Variants in APOD observed in about 807,000 individuals in gnomAD.
APOD encodes the protein apolipoprotein D.
APOD carries 22 observed loss-of-function variants against 20.4 expected under a neutral mutation model. That is an observed-to-expected ratio of 1.08 (90% CI 0.77 to 1.54). The LOEUF is 1.54. APOD is among the 40% of genes most tolerant of loss of function. The pLI is 0.00. For missense variants in APOD, 223 were observed against 229.6 expected, an observed-to-expected ratio of 0.97 and a Z score of 0.19; for synonymous variants, 97 against 92.4, an observed-to-expected ratio of 1.05 and a Z score of -0.29.
rs186640377 is a variant in APOD, at chr3:195,576,709, C to T, written c.123+2630G>A. On this transcript the variant is annotated intron_variant, in intron 2 of 4. Transcript: ENST00000343267. ...ACTGTAATACCAGCTACTCGGGAGG[C>T]TGAGGCAGGATAATCTCTTGAACCT... is the stretch of plus-strand genomic sequence containing the variant. 1.5e-4 allele frequency among the ~76,000 whole-genome samples: 23 copies of T among 151,950 alleles called. No homozygotes were observed. The East Asian group carries it at 4.5e-3, about 29-fold the overall frequency.
At chr3:195,569,160 T>C in intron 4 of APOD, 25 bp from the exon 5 acceptor site, 13 of 1,595,248 alleles carry the variant, frequency 8.1e-6, no homozygotes, top group Non-Finnish European at 1.1e-5. Flanking sequence ...GAGGCAGCAT[T>C]ATTGGAGGGA....
chr3:195,570,059 C>T (rs1460689622), intron 4 of APOD, among the ~76,000 whole-genome samples: 1 of 152,164 alleles, frequency 6.6e-6, no homozygotes, highest in Non-Finnish European at 1.5e-5. Flanking sequence ...TTCAGGCCTT[C>T]TTCTATGTTC....
chr3:195,582,358 C>A (rs569613637), intron 1 of APOD, among the ~76,000 whole-genome samples: 1 of 152,084 alleles, frequency 6.6e-6, no homozygotes, highest in South Asian at 2.1e-4. Flanking sequence ...GGATTATATA[C>A]GACATATATT....
chr3:195,571,177 A>G, intron 4 of APOD, 100 bp downstream of exon 4: 1 of 964,922 alleles, frequency 1.0e-6, no homozygotes, highest in Non-Finnish European at 1.7e-6. Context: ...GTGATTATAG[A>G]TGACACTCAG....
In APOD at chr3:195,568,719, G is replaced by A. The variant is rs987716059; in HGVS notation, c.*181C>T. The A allele has an allele frequency of 1.2e-5, 7 of 600,884 alleles. No homozygotes were observed. The highest frequency in any genetic ancestry group is 1.9e-5 in the African/African-American group (1 of 53,392). 37.2% of individuals were successfully genotyped at this position (600,884 alleles called of 1,614,324 possible). On this transcript the variant is annotated 3_prime_UTR_variant, in exon 5 of 5. Transcript: ENST00000343267. ...ATTAATCCAACTTGGAATCTACTGCGAGCACAGCAGGTCAGCAACAAGTTT... is the reference window on the plus strand; with the variant it reads ...ATTAATCCAACTTGGAATCTACTGCAAGCACAGCAGGTCAGCAACAAGTTT...
chr3:195,574,715 A>G (rs1720221821), intron 2 of APOD, among the ~76,000 whole-genome samples: 1 of 152,242 alleles, frequency 6.6e-6, no homozygotes. Context: ...GTGTAAAGTT[A>G]TTCATTACAG....
intron 2 of APOD, among the ~76,000 whole-genome samples, chr3:195,574,744 A>G (rs1157558805): frequency 1.3e-5 from 2 of 152,250 alleles, no homozygotes; most frequent in Non-Finnish European, 2.9e-5. Context: ...GTAATAATAC[A>G]AGATAGGAAA....
In APOD at chr3:195,579,657, C is replaced by A. The variant is rs550235377; in HGVS notation, c.-34-162G>T. Among the ~76,000 whole-genome samples the A allele has an allele frequency of 4.6e-5, 7 of 152,278 alleles. No homozygotes were observed. The South Asian group carries it at 1.5e-3, about 32-fold the overall frequency. On this transcript the variant is annotated intron_variant, in intron 1 of 4. Coordinates refer to ENST00000343267, the MANE Select transcript of APOD (RefSeq NM_001647.4). Reference sequence around the variant, plus strand: ...ATCCTGCAGGGGAACACCTGCCTGTCCTTGTTGCTGTGAGGCCTTCCTCAG... The same window carrying A: ...ATCCTGCAGGGGAACACCTGCCTGTACTTGTTGCTGTGAGGCCTTCCTCAG...
intron 1 of APOD, among the ~76,000 whole-genome samples, chr3:195,581,258 A>AC (rs1720334813): frequency 6.6e-6 from 1 of 152,136 alleles, no homozygotes; most frequent in Non-Finnish European, 1.5e-5. Context: ...CAAGTCTGCC[A>AC]CAGGGCCACT....
At chr3:195,574,924 A>C (rs1339787086) in intron 2 of APOD, among the ~76,000 whole-genome samples, 1 of 152,248 alleles carries the variant, frequency 6.6e-6, no homozygotes, top group Non-Finnish European at 1.5e-5. Context: ...TTGTGTAAAA[A>C]TGGAGAAAAT....
intron 3 of APOD, among the ~76,000 whole-genome samples, chr3:195,573,296 T>C (rs1168148039): frequency 6.6e-6 from 1 of 152,254 alleles, no homozygotes; most frequent in African/African-American, 2.4e-5. Flanking sequence ...TTCCAAAGCG[T>C]AGCTTTTTGG....
intron 2 of APOD, among the ~76,000 whole-genome samples, chr3:195,579,014 G>A (rs1429052132): frequency 6.6e-6 from 1 of 152,174 alleles, no homozygotes; most frequent in Admixed American, 6.5e-5. Flanking sequence ...GACAATCGGA[G>A]GGGCATGCTC....
intron 2 of APOD, among the ~76,000 whole-genome samples, chr3:195,574,810 C>T (rs1037406265): frequency 6.6e-6 from 1 of 152,158 alleles, no homozygotes; most frequent in Non-Finnish European, 1.5e-5. Flanking sequence ...CATATCCAGA[C>T]AATGGAATTT....
intron 3 of APOD, among the ~76,000 whole-genome samples, chr3:195,572,300 A>G (rs966657307): frequency 6.6e-6 from 1 of 152,346 alleles, no homozygotes; most frequent in Non-Finnish European, 1.5e-5. Flanking sequence ...ATGTAGGCCA[A>G]GTAAAAGGAG....
intron 2 of APOD, among the ~76,000 whole-genome samples, chr3:195,575,945 CAA>C (rs1197817306): frequency 6.6e-6 from 1 of 152,010 alleles, no homozygotes; most frequent in African/African-American, 2.4e-5. Flanking sequence ...AATTTAAAAA[CAA>C]AAAGAGATGC....
chr3:195,575,272 T>G (rs1720229692), intron 2 of APOD, among the ~76,000 whole-genome samples: 1 of 152,254 alleles, frequency 6.6e-6, no homozygotes, highest in Non-Finnish European at 1.5e-5. Context: ...GATTCTCTGC[T>G]TTTAAGGATT....
Position 195,568,831 on chromosome 3 carries a change from TGGGGGG to T in APOD, c.*63_*68del. On this transcript the variant is annotated 3_prime_UTR_variant, in exon 5 of 5. Transcript: ENST00000343267. Reference sequence around the variant, plus strand: ...GTCGTGGTTGATTGGTTTGTCTTTATGGGGGGGGGGTAGGGGAAAGCGAAGCAGAAG... The same window carrying T: ...GTCGTGGTTGATTGGTTTGTCTTTATGGGGTAGGGGAAAGCGAAGCAGAAG... 2.2e-6 allele frequency: 2 copies of T among 896,786 alleles called. No individual in the cohort carries two copies. Among genetic ancestry groups the T allele is most frequent in the Non-Finnish European group, 3.3e-6 (2 of 603,146 alleles). The allele number at this position is 896,786 out of a possible 1,614,324, so 55.6% of individuals were successfully genotyped here.
At chr3:195,579,190 G>T in intron 2 of APOD, 149 bp downstream of exon 2, 1 of 1,286,954 alleles carries the variant, frequency 7.8e-7, no homozygotes, top group Non-Finnish European at 1.1e-6. Flanking sequence ...CTTTATCTCA[G>T]CAGATGTCTG....
At position 195,569,019 on chromosome 3, in the gene APOD, T is replaced by C. The variant is rs1330513453; in HGVS notation, c.451A>G (p.Arg151Gly). ...FHVDFAWILA[R>G]NPNLPPETVD... Reference sequence around the variant, plus strand: ...GTTTCTGGAGGGAGATTAGGGTTTCTTGCCAAGATCCAAGCAAAATCCACG... The same window carrying C: ...GTTTCTGGAGGGAGATTAGGGTTTCCTGCCAAGATCCAAGCAAAATCCACG... The change falls in exon 5 of 5, where the codon AGA (arginine) becomes GGA (glycine). Residue 151 changes from arginine (R) to glycine (G), a missense_variant. Arg to Gly is a moderately radical substitution (Grantham distance 125). Transcript: ENST00000343267. The C allele has an allele frequency of 1.2e-6, 2 of 1,614,196 alleles. No homozygotes were observed. Among genetic ancestry groups the C allele is most frequent in the South Asian group, 2.2e-5 (2 of 91,082 alleles).
Sources: gnomAD v4.1 joint callset for allele counts (sites outside exome capture counted in the v4.1 genomes callset) on GRCh38, gnomAD v4.1.1 for gene constraint, MANE v1.5 for transcripts, NCBI Gene and HGNC (gene_info 2026-07-23, HGNC 2026-07-21) for gene names.